RAB4B: variants seen among roughly 807,000 people sequenced by gnomAD.
The protein encoded by RAB4B is ras-related protein Rab-4B.
Under a neutral mutation model 28.3 loss-of-function variants are expected in RAB4B, and 15 were observed. The observed-to-expected ratio is 0.53, with a 90% CI of 0.35 to 0.82. RAB4B has a LOEUF of 0.82. Ranked by LOEUF, RAB4B falls within the 40% of genes least tolerant of loss-of-function variation. The pLI is 0.01. For missense variants in RAB4B, 244 were observed against 288.5 expected, an observed-to-expected ratio of 0.85 and a Z score of 1.12; for synonymous variants, 108 against 116.3, an observed-to-expected ratio of 0.93 and a Z score of 0.46.
At chr19:40,779,033 G>T (rs944364230) in intron 1 of RAB4B, 22 of 985,464 alleles carry the variant, frequency 2.2e-5, no homozygotes, top group Non-Finnish European at 2.7e-5. Flanking sequence ...GAAGAGAAGG[G>T]AGAAGAGTGC....
intron 7 of RAB4B, among the ~76,000 whole-genome samples, chr19:40,788,788 T>C (rs1004559236): frequency 8.7e-6 from 1 of 115,278 alleles, no homozygotes; most frequent in Non-Finnish European, 1.9e-5. Context: ...GGGTTTCTTT[T>C]TTTTTTTTTT....
chr19:40,783,429 G>A (rs2083069339), intron 3 of RAB4B, among the ~76,000 whole-genome samples: 3 of 152,004 alleles, frequency 2.0e-5, no homozygotes, highest in Admixed American at 6.6e-5. Flanking sequence ...CTGGGCTACA[G>A]AGCAAGACCA....
intron 7 of RAB4B, among the ~76,000 whole-genome samples, chr19:40,789,754 C>T (rs2083139704): frequency 6.6e-6 from 1 of 152,322 alleles, no homozygotes; most frequent in Non-Finnish European, 1.5e-5. Flanking sequence ...CCACCTCAGC[C>T]TCCCAAAGTG....
intron 3 of RAB4B, among the ~76,000 whole-genome samples, chr19:40,781,307 T>A (rs1410192279): frequency 6.8e-6 from 1 of 146,652 alleles, no homozygotes; most frequent in African/African-American, 2.6e-5. Context: ...AATAAATAAA[T>A]AAATGAATAA....
At chr19:40,782,020 C>CAAAA (rs56884543) in intron 3 of RAB4B, among the ~76,000 whole-genome samples, 56 of 108,702 alleles carry the variant, frequency 5.2e-4, no homozygotes, top group Non-Finnish European at 7.5e-4. Context: ...GGCTCCGTTT[C>CAAAA]AAAAAAAAAA....
chr19:40,779,896 C>T, intron 1 of RAB4B, 123 bp from the exon 2 acceptor site: 1 of 1,573,838 alleles, frequency 6.4e-7, no homozygotes, highest in Non-Finnish European at 8.6e-7. Context: ...TTGTTTCTGC[C>T]TATGTCTGTT....
chr19:40,793,391 C>T (rs748486008), intron 7 of RAB4B, among the ~76,000 whole-genome samples: 13 of 151,772 alleles, frequency 8.6e-5, no homozygotes, highest in Middle Eastern at 3.4e-3. Flanking sequence ...TGCACCACCA[C>T]GCCCAGCTAA....
intron 4 of RAB4B, 31 bp downstream of exon 4, chr19:40,783,871 T>C (rs763068727): frequency 6.3e-7 from 1 of 1,578,538 alleles, no homozygotes; most frequent in South Asian, 1.2e-5. Context: ...GGGTAGGGCA[T>C]GGGTGGTTCC....
At chr19:40,781,451 G>A (rs534920461) in intron 3 of RAB4B, among the ~76,000 whole-genome samples, 30 of 151,992 alleles carry the variant, frequency 2.0e-4, no homozygotes, top group Admixed American at 4.6e-4. Context: ...ACGAATTTAC[G>A]GGAAGGCAAG....
At chr19:40,782,009 A>T (rs2083053108) in intron 3 of RAB4B, among the ~76,000 whole-genome samples, 1 of 126,630 alleles carries the variant, frequency 7.9e-6, no homozygotes, top group Admixed American at 8.7e-5. Context: ...CGACAGAGCT[A>T]GGCTCCGTTT....
chr19:40,782,707 G>A (rs925273974), intron 3 of RAB4B, among the ~76,000 whole-genome samples: 14 of 151,974 alleles, frequency 9.2e-5, no homozygotes, highest in Non-Finnish European at 1.8e-4. Context: ...CAGCTACTTG[G>A]GAGGCTGAGG....
At chr19:40,787,617 A>AGG (rs35706651) in intron 7 of RAB4B, among the ~76,000 whole-genome samples, 1 of 143,106 alleles carries the variant, frequency 7.0e-6, no homozygotes, top group Admixed American at 7.0e-5. Flanking sequence ...GGAGAGGCCC[A>AGG]GGGGGGTCAG....
At chr19:40,784,735 G>T (rs979341702) in intron 5 of RAB4B, among the ~76,000 whole-genome samples, 1 of 151,780 alleles carries the variant, frequency 6.6e-6, no homozygotes, top group African/African-American at 2.4e-5. Context: ...CAGGGTATTG[G>T]TTTTTTAAAT....
chr19:40,779,586 A>G (rs1427265802), intron 1 of RAB4B: 1 of 174,132 alleles, frequency 5.7e-6, no homozygotes, highest in Non-Finnish European at 1.2e-5. Context: ...TCTACTAAAA[A>G]TACAGAATTA....
chr19:40,791,313 C>T (rs1014487592), intron 7 of RAB4B, among the ~76,000 whole-genome samples: 6 of 152,172 alleles, frequency 3.9e-5, no homozygotes, highest in African/African-American at 1.4e-4. Context: ...TTTGATGCAG[C>T]CACTGGGTCT....
intron 1 of RAB4B, chr19:40,779,469 CGCGGTGGCTCATGCCTGTAA>C: frequency 6.1e-6 from 1 of 163,038 alleles, no homozygotes; most frequent in Non-Finnish European, 1.3e-5. Context: ...GTGGGCTGGG[CGCGGTGGCTCATGCCTGTAA>C]TCCCAGCACT....
chr19:40,791,306 G>A (rs1483119386), intron 7 of RAB4B, among the ~76,000 whole-genome samples: 1 of 152,122 alleles, frequency 6.6e-6, no homozygotes, highest in Non-Finnish European at 1.5e-5. Flanking sequence ...GTCTCCTTTT[G>A]ATGCAGCCAC....
At chr19:40,781,923 A>C (rs1056384228) in intron 3 of RAB4B, among the ~76,000 whole-genome samples, 1 of 150,196 alleles carries the variant, frequency 6.7e-6, no homozygotes, top group Non-Finnish European at 1.5e-5. Flanking sequence ...TGGGAGGCTG[A>C]GGCAGGAGAA....
At position 40,783,681 on chromosome 19, in the gene RAB4B, G is replaced by C. The variant is rs79276295; in HGVS notation, c.213-97G>C. ...TTTGGGGGATGGGCCAGCAGTGAAG[G>C]GGGGGGCCTCCGAACCACCAGTCTG... On this transcript the variant is annotated intron_variant, in intron 3 of 7. Coordinates refer to ENST00000357052, the MANE Select transcript of RAB4B (RefSeq NM_016154.5). 3.7e-4 allele frequency: 456 copies of C among 1,239,994 alleles called. 1 individual carries two copies. The African/African-American group carries it at 5.8e-3, about 16-fold the overall frequency. The allele number at this position is 1,239,994 out of a possible 1,614,324, so 76.8% of individuals were successfully genotyped here.
Sources: gnomAD v4.1 joint callset for allele counts (sites outside exome capture counted in the v4.1 genomes callset) on GRCh38, gnomAD v4.1.1 for gene constraint, MANE v1.5 for transcripts, NCBI Gene and HGNC (gene_info 2026-07-23, HGNC 2026-07-21) for gene names.